Variants in TMEM108 observed in about 807,000 individuals in gnomAD.
TMEM108 encodes transmembrane protein 108.
TMEM108 carries 12 observed loss-of-function variants against 35.1 expected under a neutral mutation model. The observed-to-expected ratio is 0.34, with a 90% CI of 0.22 to 0.55. The LOEUF (loss-of-function observed/expected upper bound fraction) is 0.55. Ranked by LOEUF, TMEM108 falls within the 20% of genes least tolerant of loss-of-function variation. The probability of loss-of-function intolerance (pLI) is 0.89; values close to 1 mark genes in which losing one functional copy is unlikely to be tolerated. For missense variants in TMEM108, 680 were observed against 753.3 expected (o/e 0.90, Z 1.14); for synonymous variants, 287 against 308.6 (o/e 0.93, Z 0.73).
At chr3:133,315,282 C>G (rs959233520) in intron 3 of TMEM108, among the ~76,000 whole-genome samples, 1 of 152,134 alleles carries the variant, frequency 6.6e-6, no homozygotes, top group Non-Finnish European at 1.5e-5. Context: ...TGATAGGTGA[C>G]CCGCAATAAA....
intron 4 of TMEM108, among the ~76,000 whole-genome samples, chr3:133,389,882 C>T (rs535031946): frequency 2.6e-5 from 4 of 151,650 alleles, no homozygotes; most frequent in South Asian, 4.2e-4. Context: ...ATGCCTGGGA[C>T]GTAAGTCCTA....
At chr3:133,376,567 G>A (rs2072845538) in intron 3 of TMEM108, among the ~76,000 whole-genome samples, 1 of 152,210 alleles carries the variant, frequency 6.6e-6, no homozygotes, top group Non-Finnish European at 1.5e-5. Flanking sequence ...GAAGTGCAGT[G>A]ATGAGCATCC....
chr3:133,140,939 T>G (rs756884922), intron 2 of TMEM108, among the ~76,000 whole-genome samples: 1 of 152,192 alleles, frequency 6.6e-6, no homozygotes, highest in South Asian at 2.1e-4. Context: ...GTGCCAAGCA[T>G]GGGCTCCATT....
chr3:133,169,557 G>T (rs891281681), intron 2 of TMEM108, among the ~76,000 whole-genome samples: 1 of 152,214 alleles, frequency 6.6e-6, no homozygotes, highest in African/African-American at 2.4e-5. Flanking sequence ...GTTGTGGAAG[G>T]AGATGCTGCC....
At chr3:133,284,730 T>G (rs759722744) in intron 3 of TMEM108, among the ~76,000 whole-genome samples, 60 of 152,356 alleles carry the variant, frequency 3.9e-4, no homozygotes, top group Non-Finnish European at 7.9e-4. Context: ...CTGCCTCTGT[T>G]GTTCAAACCA....
intron 3 of TMEM108, among the ~76,000 whole-genome samples, chr3:133,294,991 A>G (rs1269557121): frequency 2.0e-5 from 3 of 152,244 alleles, no homozygotes; most frequent in Non-Finnish European, 4.4e-5. Context: ...GGGTTTATCT[A>G]TCAAGTAAAC....
intron 5 of TMEM108, among the ~76,000 whole-genome samples, chr3:133,391,584 C>G (rs1389577944): frequency 6.6e-6 from 1 of 152,180 alleles, no homozygotes; most frequent in Non-Finnish European, 1.5e-5. Flanking sequence ...CACCCCTCTC[C>G]CCATCTTTTG....
At chr3:133,366,543 TTA>T (rs1458424518) in intron 3 of TMEM108, among the ~76,000 whole-genome samples, 1 of 152,202 alleles carries the variant, frequency 6.6e-6, no homozygotes, top group African/African-American at 2.4e-5. Flanking sequence ...TGCTTCTGAA[TTA>T]TAGGCCATCT....
At chr3:133,299,799 G>A in intron 3 of TMEM108, among the ~76,000 whole-genome samples, 1 of 152,066 alleles carries the variant, frequency 6.6e-6, no homozygotes, top group East Asian at 1.9e-4. Context: ...TCTTCTCCTG[G>A]ACCATCCCAG....
chr3:133,220,127 G>A (rs532054550), intron 2 of TMEM108, among the ~76,000 whole-genome samples: 20 of 145,910 alleles, frequency 1.4e-4, no homozygotes, highest in Admixed American at 4.9e-4. Context: ...TTTTTTATCC[G>A]ATAAAAGTAT....
chr3:133,177,137 A>G (rs1040737672), intron 2 of TMEM108, among the ~76,000 whole-genome samples: 3 of 152,244 alleles, frequency 2.0e-5, no homozygotes, highest in Admixed American at 2.0e-4. Flanking sequence ...ATCTCTGAAT[A>G]GACCAATAAC....
intron 2 of TMEM108, among the ~76,000 whole-genome samples, chr3:133,107,743 G>A (rs368417287): frequency 1.3e-5 from 2 of 152,130 alleles, no homozygotes; most frequent in African/African-American, 4.8e-5. Flanking sequence ...GTCTTGGGAG[G>A]CCTTTACCTG....
chr3:133,102,002 A>C (rs561285177), intron 2 of TMEM108, among the ~76,000 whole-genome samples: 3 of 152,334 alleles, frequency 2.0e-5, no homozygotes, highest in East Asian at 1.9e-4. Context: ...AGGCTATTCT[A>C]TCTAGCTTTA....
intron 3 of TMEM108, among the ~76,000 whole-genome samples, chr3:133,345,745 G>A (rs949026027): frequency 6.6e-5 from 10 of 151,870 alleles, no homozygotes; most frequent in African/African-American, 2.4e-4. Flanking sequence ...GCTCTGAAAG[G>A]CAATATTGCT....
At chr3:133,284,895 A>C in intron 3 of TMEM108, among the ~76,000 whole-genome samples, 1 of 151,730 alleles carries the variant, frequency 6.6e-6, no homozygotes, top group East Asian at 1.9e-4. Flanking sequence ...TCACTACCTA[A>C]GGCTTATTCC....
chr3:133,132,404 A>C (rs1944502775), intron 2 of TMEM108, among the ~76,000 whole-genome samples: 1 of 152,212 alleles, frequency 6.6e-6, no homozygotes, highest in Non-Finnish European at 1.5e-5. Context: ...GGTCCTTAAG[A>C]ATGATGCTAA....
intron 3 of TMEM108, among the ~76,000 whole-genome samples, chr3:133,308,943 C>A (rs1389315678): frequency 6.6e-6 from 1 of 152,146 alleles, no homozygotes; most frequent in Non-Finnish European, 1.5e-5. Context: ...ATGGTACCAG[C>A]TCCTCTTTGT....
At chr3:133,302,905 C>T (rs1947250223) in intron 3 of TMEM108, among the ~76,000 whole-genome samples, 1 of 152,144 alleles carries the variant, frequency 6.6e-6, no homozygotes, top group Non-Finnish European at 1.5e-5. Context: ...TCATGCTCCA[C>T]TTATTTCACG....
At chr3:133,284,632 A>G (rs1211977534) in intron 3 of TMEM108, among the ~76,000 whole-genome samples, 1 of 152,160 alleles carries the variant, frequency 6.6e-6, no homozygotes, top group Non-Finnish European at 1.5e-5. Context: ...GTGACTAAGA[A>G]CTGTTTGGTG....
Sources: gnomAD v4.1 joint callset for allele counts (sites outside exome capture counted in the v4.1 genomes callset) on GRCh38, gnomAD v4.1.1 for gene constraint, MANE v1.5 for transcripts, NCBI Gene and HGNC (gene_info 2026-07-23, HGNC 2026-07-21) for gene names.